Variants in PPFIA1 observed in about 807,000 individuals in gnomAD.
The protein encoded by PPFIA1 is liprin-alpha-1.
Under a neutral mutation model 149.9 loss-of-function variants are expected in PPFIA1, and 25 were observed. The observed-to-expected ratio is 0.17, with a 90% CI of 0.12 to 0.23. The LOEUF is 0.23. PPFIA1 is among the 10% of genes least tolerant of loss of function. The pLI is 1.00. For missense variants in PPFIA1, 1,362 were observed against 1,506.5 expected, an observed-to-expected ratio of 0.90 and a Z score of 1.59; for synonymous variants, 549 against 552.8, an observed-to-expected ratio of 0.99 and a Z score of 0.10.
In PPFIA1 at chr11:70,355,342, G is replaced by A. The variant is rs184188226; in HGVS notation, c.2316-297G>A. 2.3e-3 allele frequency among the ~76,000 whole-genome samples: 344 copies of A among 152,290 alleles called. 1 individual carries two copies. Among genetic ancestry groups the A allele is most frequent in the African/African-American group, 7.9e-3 (327 of 41,560 alleles). ...AGCTGAGTAGAGTAATGCTCAGGGC[G>A]GTTGTGGGAGCTGCTGGAGGGGAAG... is the stretch of plus-strand genomic sequence containing the variant. On this transcript the variant is annotated intron_variant, in intron 17 of 27. Coordinates refer to ENST00000253925, the MANE Select transcript of PPFIA1 (RefSeq NM_003626.5).
At chr11:70,324,030 C>T (rs2054120063) in intron 2 of PPFIA1, among the ~76,000 whole-genome samples, 1 of 152,238 alleles carries the variant, frequency 6.6e-6, no homozygotes, top group African/African-American at 2.4e-5. Flanking sequence ...TTTCCTCTCT[C>T]TCCAGCAACT....
intron 2 of PPFIA1, among the ~76,000 whole-genome samples, chr11:70,318,324 C>G (rs1394831491): frequency 6.6e-6 from 1 of 152,150 alleles, no homozygotes; most frequent in African/African-American, 2.4e-5. Flanking sequence ...AAAAGAAGTT[C>G]CACCAACTCC....
intron 2 of PPFIA1, among the ~76,000 whole-genome samples, chr11:70,308,341 C>G (rs1425651209): frequency 6.6e-6 from 1 of 152,202 alleles, no homozygotes; most frequent in Admixed American, 6.5e-5. Context: ...AGCCACCACG[C>G]CTGGCCAGTG....
At chr11:70,365,861 C>A (rs772572901) in intron 21 of PPFIA1, 1 of 442,556 alleles carries the variant, frequency 2.3e-6, no homozygotes, top group African/African-American at 2.0e-5. Context: ...ATCTTCCCTG[C>A]AGAGTTGCGT....
At chr11:70,302,275 G>A (rs1394315095) in intron 2 of PPFIA1, among the ~76,000 whole-genome samples, 1 of 152,204 alleles carries the variant, frequency 6.6e-6, no homozygotes, top group Non-Finnish European at 1.5e-5. Flanking sequence ...TTCGTAGGGT[G>A]GGGCAGCCAC....
At position 70,362,164 on chromosome 11, in the gene PPFIA1, G is replaced by A; in HGVS notation, c.2652G>A (p.Val884=). Residue 884 remains valine, a synonymous_variant, in exon 20 of 28, where the codon GTG becomes GTA. Transcript: ENST00000253925. ...PFAQWDGPTV[V]VWLELWVGMP... Reference sequence around the variant, plus strand: ...CCCAATGGGACGGGCCAACGGTTGTGGTCTGGCTAGAGGTACATCCTTCAT... The same window carrying A: ...CCCAATGGGACGGGCCAACGGTTGTAGTCTGGCTAGAGGTACATCCTTCAT... The A allele has an allele frequency of 2.5e-6, 4 of 1,614,210 alleles. No individual in the cohort carries two copies. Among genetic ancestry groups the A allele is most frequent in the Non-Finnish European group, 3.4e-6 (4 of 1,180,038 alleles).
intron 6 of PPFIA1, 82 bp from the exon 7 acceptor site, chr11:70,326,515 A>C: frequency 7.4e-7 from 1 of 1,346,890 alleles, no homozygotes; most frequent in Non-Finnish European, 1.0e-6. Context: ...GTCAGTTTTG[A>C]TTTTAGCTAT....
chr11:70,296,169 C>T (rs1476227770), intron 2 of PPFIA1, among the ~76,000 whole-genome samples: 3 of 151,474 alleles, frequency 2.0e-5, no homozygotes, highest in Non-Finnish European at 4.4e-5. Flanking sequence ...GGGATGGCGG[C>T]CAGGCAGAGA....
intron 2 of PPFIA1, among the ~76,000 whole-genome samples, chr11:70,296,465 C>T (rs905728336): frequency 3.3e-5 from 5 of 152,264 alleles, no homozygotes; most frequent in Admixed American, 6.5e-5. Flanking sequence ...GGACCACTCG[C>T]GGTTAGGAGC....
At chr11:70,377,926 G>C in intron 25 of PPFIA1, 104 bp from the exon 26 acceptor site, 1 of 920,374 alleles carries the variant, frequency 1.1e-6, no homozygotes. Context: ...ATGTGGACAA[G>C]AATACATTCT....
intron 2 of PPFIA1, among the ~76,000 whole-genome samples, chr11:70,308,296 C>G (rs973299725): frequency 6.6e-6 from 1 of 152,192 alleles, no homozygotes; most frequent in African/African-American, 2.4e-5. Flanking sequence ...GATCTGCCTA[C>G]CTTAGCCTCC....
At chr11:70,286,979 G>GCA (rs1160040939) in intron 2 of PPFIA1, among the ~76,000 whole-genome samples, 1 of 132,560 alleles carries the variant, frequency 7.5e-6, no homozygotes, top group Non-Finnish European at 1.5e-5. Context: ...ACACATATAT[G>GCA]CACATACACA....
chr11:70,352,513 G>A (rs1022605258), intron 16 of PPFIA1, among the ~76,000 whole-genome samples: 4 of 152,090 alleles, frequency 2.6e-5, no homozygotes, highest in Non-Finnish European at 5.9e-5. Context: ...CGTGCTACTT[G>A]GTGTCTTTGA....
chr11:70,352,280 C>G (rs548421686), intron 16 of PPFIA1, among the ~76,000 whole-genome samples: 134 of 152,288 alleles, frequency 8.8e-4, no homozygotes, highest in African/African-American at 3.0e-3. Context: ...AATGATAGAA[C>G]AGTGCCACTT....
chr11:70,307,460 C>T lies in PPFIA1; in HGVS notation c.265-16942C>T, dbSNP rs117143251. Among the ~76,000 whole-genome samples, 253 of 152,186 alleles carry T rather than the reference C, an allele frequency of 1.7e-3. 1 individual carries two copies. Among genetic ancestry groups the T allele is most frequent in the South Asian group, 5.4e-3 (26 of 4,824 alleles). On this transcript the variant is annotated intron_variant, in intron 2 of 27. Transcript: ENST00000253925. ...GCAAGGGCGAAAGAATAGATTTGCT[C>T]ATATATGCATTAAAAAATCTCTAGA... is the stretch of plus-strand genomic sequence containing the variant.
chr11:70,288,359 C>T (rs1044001291), intron 2 of PPFIA1, among the ~76,000 whole-genome samples: 9 of 152,106 alleles, frequency 5.9e-5, no homozygotes, highest in Non-Finnish European at 1.2e-4. Context: ...CATCAGCCAC[C>T]GCGCCCGGCC....
chr11:70,319,268 C>G (rs1233878155), intron 2 of PPFIA1, among the ~76,000 whole-genome samples: 1 of 152,188 alleles, frequency 6.6e-6, no homozygotes, highest in East Asian at 1.9e-4. Context: ...GTCCCTGCTT[C>G]TCACCACCTG....
chr11:70,327,407 G>A (rs1053982792), intron 7 of PPFIA1: 5 of 152,452 alleles, frequency 3.3e-5, no homozygotes, highest in African/African-American at 9.7e-5. Context: ...CATCAGGATC[G>A]TATAGCAAAA....
intron 2 of PPFIA1, among the ~76,000 whole-genome samples, chr11:70,318,323 TC>T (rs1393774740): frequency 6.6e-6 from 1 of 152,188 alleles, no homozygotes; most frequent in Admixed American, 6.5e-5. Context: ...GAAAAGAAGT[TC>T]CACCAACTCC....
Sources: allele counts gnomAD v4.1 joint callset (sites outside exome capture counted in the v4.1 genomes callset), GRCh38; gene constraint gnomAD v4.1.1; transcripts MANE v1.5; gene names NCBI Gene and HGNC (gene_info 2026-07-23, HGNC 2026-07-21).